EIF3H: variants seen among roughly 807,000 people sequenced by gnomAD.
EIF3H encodes the protein eIF-3-gamma.
A neutral mutation model predicts 44.2 loss-of-function variants in EIF3H; 26 were observed. The ratio of observed to expected loss-of-function variants is 0.59; its 90% CI spans 0.43 to 0.82. The LOEUF (loss-of-function observed/expected upper bound fraction) is 0.82, where lower values mean the gene tolerates loss of function less well. Among genes scored for constraint, EIF3H ranks in the 40% least tolerant of loss-of-function variants. The pLI, the probability that EIF3H is intolerant of heterozygous loss-of-function variation, is 0.00. For missense variants in EIF3H, 359 were observed against 432.8 expected (o/e 0.83, Z 1.51); for synonymous variants, 166 against 151.9 (o/e 1.09, Z -0.68).
intron 1 of EIF3H, among the ~76,000 whole-genome samples, chr8:116,744,151 A>G (rs891140618): frequency 6.6e-5 from 10 of 151,898 alleles, no homozygotes; most frequent in Admixed American, 2.6e-4. Flanking sequence ...GACAGTGGTT[A>G]TCACTAATGG....
At chr8:116,752,787 G>GGGAAGGAA (rs1309754539) in intron 1 of EIF3H, among the ~76,000 whole-genome samples, 1 of 27,348 alleles carries the variant, frequency 3.7e-5, no homozygotes, top group Non-Finnish European at 9.4e-5. Context: ...GAGGGAGGGA[G>GGGAAGGAA]GGAGGGAGGG....
At chr8:116,750,018 C>T (rs1815300781) in intron 1 of EIF3H, among the ~76,000 whole-genome samples, 1 of 152,302 alleles carries the variant, frequency 6.6e-6, no homozygotes, top group Non-Finnish European at 1.5e-5. Context: ...TGAGATTAAT[C>T]TCTGGGTTCA....
At chr8:116,713,454 AAAAG>A (rs1814607608) in intron 2 of EIF3H, among the ~76,000 whole-genome samples, 1 of 152,166 alleles carries the variant, frequency 6.6e-6, no homozygotes, top group African/African-American at 2.4e-5. Flanking sequence ...TTAAAAAAGA[AAAAG>A]AACTAAATTG....
At chr8:116,736,617 G>A (rs546505943) in intron 1 of EIF3H, among the ~76,000 whole-genome samples, 25 of 152,166 alleles carry the variant, frequency 1.6e-4, no homozygotes, top group Non-Finnish European at 3.2e-4. Context: ...AGCCGAGATC[G>A]CGCCTTTGCA....
chr8:116,681,457 G>C (rs1349853257), intron 2 of EIF3H, among the ~76,000 whole-genome samples: 3 of 151,580 alleles, frequency 2.0e-5, no homozygotes, highest in South Asian at 2.1e-4. Flanking sequence ...ACCTGAGGTA[G>C]GGAGTTCAAG....
chr8:116,735,628 C>T (rs1345915870), intron 1 of EIF3H, among the ~76,000 whole-genome samples: 2 of 152,068 alleles, frequency 1.3e-5, no homozygotes, highest in Non-Finnish European at 2.9e-5. Flanking sequence ...TATCTTTACG[C>T]CACAGAGCAG....
chr8:116,752,933 T>C (rs1401057767), intron 1 of EIF3H, among the ~76,000 whole-genome samples: 1 of 152,070 alleles, frequency 6.6e-6, no homozygotes, highest in Non-Finnish European at 1.5e-5. Flanking sequence ...ATACCTATCA[T>C]CCATGTGGAG....
chr8:116,729,674 T>C (rs17811450), intron 1 of EIF3H, among the ~76,000 whole-genome samples: 51,195 of 152,020 alleles, frequency 0.34, 9,391 homozygotes, highest in East Asian at 0.57. Context: ...ACAATCAGTA[T>C]GAGTAAGAAT....
chr8:116,755,923 C>G, upstream of EIF3H: 1 of 1,542,158 alleles, frequency 6.5e-7, no homozygotes, highest in Middle Eastern at 1.7e-4. Flanking sequence ...AAAATTGGGC[C>G]CCGCCTCCCT....
chr8:116,674,547 G>GA (rs1407233935), intron 2 of EIF3H, among the ~76,000 whole-genome samples: 1 of 151,762 alleles, frequency 6.6e-6, no homozygotes, highest in African/African-American at 2.4e-5. Context: ...CATTACAAAC[G>GA]AAAAAAGAAA....
chr8:116,744,294 T>C (rs937602530), intron 1 of EIF3H, among the ~76,000 whole-genome samples: 1 of 152,008 alleles, frequency 6.6e-6, no homozygotes, highest in Non-Finnish European at 1.5e-5. Flanking sequence ...GGTACTATTT[T>C]GGAGGCAAAG....
At chr8:116,740,689 A>G (rs866598053) in intron 1 of EIF3H, among the ~76,000 whole-genome samples, 2 of 152,110 alleles carry the variant, frequency 1.3e-5, no homozygotes, top group Non-Finnish European at 2.9e-5. Context: ...GTTTGAGTAA[A>G]AGAAAAAAAT....
chr8:116,703,924 A>C (rs974583127), intron 2 of EIF3H, among the ~76,000 whole-genome samples: 1 of 152,200 alleles, frequency 6.6e-6, no homozygotes, highest in Non-Finnish European at 1.5e-5. Flanking sequence ...ACCCTACATT[A>C]GTGCTCCTAT....
chr8:116,667,399 T>C (rs13268448), intron 2 of EIF3H, among the ~76,000 whole-genome samples: 83,561 of 150,578 alleles, frequency 0.55, 24,853 homozygotes, highest in Non-Finnish European at 0.67. Flanking sequence ...CAGTTTCTAA[T>C]GTAAATCAAG....
rs575854342 is a variant in EIF3H, at chr8:116,737,305, A to AT, written c.133-11134_133-11133insA. The AT allele has an allele frequency of 8.6e-4, 375 of 434,282 alleles. 3 individuals are homozygous for AT. The highest frequency in any genetic ancestry group is 7.2e-3 in the African/African-American group (350 of 48,320). 26.9% of individuals were successfully genotyped at this position (434,282 alleles called of 1,614,324 possible). ...GCATTTCCCTGGGGAAGAAAAAAAA[A>AT]AGACTTTGTCATTCTTCAAATTCCC... On this transcript the variant is annotated intron_variant, in intron 1 of 7. Coordinates refer to ENST00000521861, the MANE Select transcript of EIF3H (RefSeq NM_003756.3).
chr8:116,751,713 C>G (rs1815347602), intron 1 of EIF3H, among the ~76,000 whole-genome samples: 1 of 152,192 alleles, frequency 6.6e-6, no homozygotes, highest in African/African-American at 2.4e-5. Flanking sequence ...GCCGTGAGCA[C>G]AGATAAGAAT....
chr8:116,646,612 CA>C lies in EIF3H; in HGVS notation c.829-10del. The stretch of plus-strand genomic sequence containing the variant: ...TGGCGACGCTGCTGATACTAAAATT[CA>C]AAGGGAAAATGGTTTGGTTATTTTT... On this transcript the variant is annotated splice_polypyrimidine_tract_variant and intron_variant, in intron 6 of 7. Transcript: ENST00000521861. The C allele has an allele frequency of 3.7e-6, 6 of 1,613,580 alleles. No homozygotes were observed. The highest frequency in any genetic ancestry group is 5.1e-6 in the Non-Finnish European group (6 of 1,179,710).
At chr8:116,688,373 C>A (rs1050678519) in intron 2 of EIF3H, among the ~76,000 whole-genome samples, 1 of 151,858 alleles carries the variant, frequency 6.6e-6, no homozygotes, top group African/African-American at 2.4e-5. Context: ...ATGGGAACAG[C>A]CAAAATCCCT....
chr8:116,761,880 T>C (rs532437937), intron 1 of EIF3H, among the ~76,000 whole-genome samples: 1 of 152,350 alleles, frequency 6.6e-6, no homozygotes, highest in East Asian at 1.9e-4. Flanking sequence ...GACACTAACA[T>C]TTCCTTGATG....
Sources: gnomAD v4.1 joint callset for allele counts (sites outside exome capture counted in the v4.1 genomes callset) on GRCh38, gnomAD v4.1.1 for gene constraint, MANE v1.5 for transcripts, NCBI Gene and HGNC (gene_info 2026-07-23, HGNC 2026-07-21) for gene names.